Variants in TMEM71 observed in about 807,000 individuals in gnomAD.
TMEM71 encodes the protein transmembrane protein 71.
TMEM71 carries 44 observed loss-of-function variants against 38.0 expected under a neutral mutation model. The ratio of observed to expected loss-of-function variants is 1.16; its 90% CI spans 0.91 to 1.49. The LOEUF (loss-of-function observed/expected upper bound fraction) is 1.49. Ranked by LOEUF, TMEM71 falls within the 40% of genes most tolerant of loss-of-function variation. The pLI is 0.00. For missense variants in TMEM71, 367 were observed against 348.6 expected (o/e 1.05, Z -0.42); for synonymous variants, 133 against 122.5 (o/e 1.09, Z -0.56).
In TMEM71 at chr8:132,751,765, C is replaced by T. The variant is rs367813754; in HGVS notation, c.314+20G>A. On this transcript the variant is annotated intron_variant, in intron 4 of 9. Coordinates refer to ENST00000677595, the MANE Select transcript of TMEM71 (RefSeq NM_001382403.1). The stretch of plus-strand genomic sequence containing the variant: ...GATGGATTGGACTTCAGATTTCTTT[C>T]TGTAATATGCTCTGCTTACCTAACT... 1.3e-5 allele frequency: 21 copies of T among 1,604,238 alleles called. No individual in the cohort carries two copies. Among genetic ancestry groups the T allele is most frequent in the Non-Finnish European group, 1.5e-5 (18 of 1,172,416 alleles).
chr8:132,717,706 T>C (rs577579882), intron 7 of TMEM71, among the ~76,000 whole-genome samples: 2 of 152,162 alleles, frequency 1.3e-5, no homozygotes, highest in Non-Finnish European at 2.9e-5. Flanking sequence ...AAATATTAAA[T>C]ATGGACTTAC....
At chr8:132,722,336 T>C (rs1826901907) in intron 6 of TMEM71, among the ~76,000 whole-genome samples, 1 of 152,216 alleles carries the variant, frequency 6.6e-6, no homozygotes, top group Non-Finnish European at 1.5e-5. Context: ...CTTTCTTCAA[T>C]CACTATAAAA....
intron 1 of TMEM71, chr8:132,760,243 C>T (rs1488947262): frequency 6.6e-6 from 1 of 152,078 alleles, no homozygotes; most frequent in Admixed American, 6.5e-5. Flanking sequence ...CAGAATCTGC[C>T]AGTTCCATCA....
intron 3 of TMEM71, among the ~76,000 whole-genome samples, chr8:132,754,634 C>T (rs965798994): frequency 6.6e-6 from 1 of 152,152 alleles, no homozygotes; most frequent in Non-Finnish European, 1.5e-5. Flanking sequence ...CCTATGCTTT[C>T]CATTGCCTAA....
chr8:132,757,294 C>G lies in TMEM71; in HGVS notation c.41G>C (p.Ser14Thr). Residue 14 changes from serine to threonine, a missense_variant and splice_region_variant, in exon 3 of 10, where the codon AGT (serine) becomes ACT (threonine). Transcript: ENST00000677595. ...ISQLMSTPVA[S>T]SSRLEREYAG... is the part of the protein sequence containing the mutation. ...ATATTCTCTTTCCAACCTGGAAGAACCTGCATAAACAAATGAGAGAGAAGT... is the reference window on the plus strand; with the variant it reads ...ATATTCTCTTTCCAACCTGGAAGAAGCTGCATAAACAAATGAGAGAGAAGT... 1 of 1,592,066 alleles carries G rather than the reference C, an allele frequency of 6.3e-7. No individual in the cohort carries two copies. The highest frequency in any genetic ancestry group is 8.6e-7 in the Non-Finnish European group (1 of 1,167,840).
At chr8:132,746,515 A>G (rs919053031) in intron 5 of TMEM71, among the ~76,000 whole-genome samples, 3 of 144,248 alleles carry the variant, frequency 2.1e-5, no homozygotes, top group Non-Finnish European at 4.5e-5. Flanking sequence ...ATGTATATAT[A>G]TATGGTTTTA....
At position 132,727,943 on chromosome 8, in the gene TMEM71, T is replaced by C; in HGVS notation, c.531A>G (p.Ser177=). 1 of 1,613,968 alleles carries C rather than the reference T, an allele frequency of 6.2e-7. No individual in the cohort carries two copies. The highest frequency in any genetic ancestry group is 1.1e-5 in the South Asian group (1 of 91,050). ...DCSSLTDDWE[S]GKMNAESVIT... ...TCACAGACTCTGCATTCATCTTCCC[T>C]GACTCCCAGTCATCAGTCAGAGAAG... The change falls in exon 6 of 10, where the codon TCA becomes TCG. Residue 177 remains serine (S), a synonymous_variant. Coordinates refer to ENST00000677595, the MANE Select transcript of TMEM71 (RefSeq NM_001382403.1).
chr8:132,772,589 A>C, the TMEM71 span, among the ~76,000 whole-genome samples: 1 of 152,216 alleles, frequency 6.6e-6, no homozygotes, highest in African/African-American at 2.4e-5. Flanking sequence ...TATCAGGCTT[A>C]GTGCCTTCCT....
At chr8:132,726,477 A>G (rs547715570) in intron 6 of TMEM71, among the ~76,000 whole-genome samples, 28 of 152,360 alleles carry the variant, frequency 1.8e-4, no homozygotes, top group South Asian at 4.1e-4. Context: ...TAGACATGAC[A>G]TAGTATGCTA....
chr8:132,775,703 G>A, the TMEM71 span: 14 of 318,334 alleles, frequency 4.4e-5, no homozygotes, highest in East Asian at 2.4e-4. Context: ...GGCCGCCCGG[G>A]ACGCCCCCAT....
intron 7 of TMEM71, among the ~76,000 whole-genome samples, chr8:132,719,269 G>A (rs1826708498): frequency 6.6e-6 from 1 of 152,074 alleles, no homozygotes; most frequent in Non-Finnish European, 1.5e-5. Context: ...TACACAGGTT[G>A]AGCATCTCTA....
At chr8:132,745,399 A>G (rs961595330) in intron 5 of TMEM71, among the ~76,000 whole-genome samples, 7 of 152,182 alleles carry the variant, frequency 4.6e-5, no homozygotes, top group Admixed American at 1.3e-4. Flanking sequence ...AAGAAGACAT[A>G]CATGCAGCAA....
At chr8:132,729,306 C>T (rs1479824355) in intron 5 of TMEM71, among the ~76,000 whole-genome samples, 2 of 152,170 alleles carry the variant, frequency 1.3e-5, no homozygotes, top group South Asian at 4.1e-4. Context: ...TAGTTAAGCA[C>T]CACACCTCTG....
intron 6 of TMEM71, among the ~76,000 whole-genome samples, chr8:132,725,267 C>T (rs925959590): frequency 5.9e-5 from 9 of 152,066 alleles, no homozygotes; most frequent in South Asian, 4.1e-4. Context: ...TGGGCTCAAA[C>T]GATCCTGTCA....
chr8:132,720,781 A>G (rs1826797502), intron 7 of TMEM71, among the ~76,000 whole-genome samples: 1 of 152,216 alleles, frequency 6.6e-6, no homozygotes, highest in African/African-American at 2.4e-5. Context: ...CTTGCTGGCC[A>G]GAGTTCAAGA....
At position 132,714,341 on chromosome 8, in the gene TMEM71, T is replaced by C. The variant is rs888866691; in HGVS notation, c.753-126A>G. ...TATGAAACTACAGTAATAAAGACAG[T>C]GGTATTGGAAAATGGACAGACATAC... On this transcript the variant is annotated intron_variant, in intron 7 of 9. Coordinates refer to ENST00000677595, the MANE Select transcript of TMEM71 (RefSeq NM_001382403.1). The C allele has an allele frequency of 6.7e-6, 5 of 743,648 alleles. No individual in the cohort carries two copies. In the African/African-American group the frequency reaches 7.0e-5, roughly 10 times the overall value. 46.1% of individuals were successfully genotyped at this position (743,648 alleles called of 1,614,324 possible). A position where few individuals can be genotyped will look rare whatever the true frequency, so the allele number is the denominator to read the frequency against.
chr8:132,710,812 C>T lies in TMEM71; in HGVS notation c.*155G>A. On this transcript the variant is annotated 3_prime_UTR_variant, in exon 10 of 10. Transcript: ENST00000677595. ...ATAATTTTGATGGAAAAACTGAGAT[C>T]ATTTTAAAATCACATAGTCAAACTA... 1 of 696,226 alleles carries T rather than the reference C, an allele frequency of 1.4e-6. No individual in the cohort carries two copies. The highest frequency in any genetic ancestry group is 2.6e-5 in the Admixed American group (1 of 38,980). The allele number at this position is 696,226 out of a possible 1,614,324, so 43.1% of individuals were successfully genotyped here.
At chr8:132,747,236 A>G (rs1465886003) in intron 4 of TMEM71, 122 bp from the exon 5 acceptor site, 1 of 892,856 alleles carries the variant, frequency 1.1e-6, no homozygotes. Context: ...ATTCTACAAA[A>G]GTTTCTCAAA....
At chr8:132,707,440 G>A (rs1304135874), downstream of TMEM71, among the ~76,000 whole-genome samples, 2 of 152,180 alleles carry the variant, frequency 1.3e-5, no homozygotes, top group Non-Finnish European at 2.9e-5. Flanking sequence ...GTGCAACAGT[G>A]TTGAGACATG....
Sources: gnomAD v4.1 joint callset for allele counts (sites outside exome capture counted in the v4.1 genomes callset) on GRCh38, gnomAD v4.1.1 for gene constraint, MANE v1.5 for transcripts, NCBI Gene and HGNC (gene_info 2026-07-23, HGNC 2026-07-21) for gene names.